COG6: variants seen among roughly 807,000 people sequenced by gnomAD.
The protein encoded by COG6 is conserved oligomeric Golgi complex subunit 6.
COG6 carries 74 observed loss-of-function variants against 88.8 expected under a neutral mutation model. The observed-to-expected ratio is 0.83, with a 90% CI of 0.69 to 1.01. The LOEUF is 1.01. Among genes scored for constraint, COG6 ranks in the 50% least tolerant of loss-of-function variants. The pLI is 0.00. For missense variants in COG6, 800 were observed against 797.9 expected (o/e 1.00, Z -0.03); for synonymous variants, 286 against 278.7 (o/e 1.03, Z -0.26).
At chr13:39,778,559 C>T (rs545044568) in intron 18 of COG6, among the ~76,000 whole-genome samples, 24 of 151,986 alleles carry the variant, frequency 1.6e-4, no homozygotes, top group Admixed American at 7.2e-4. Flanking sequence ...TTCAGACCCC[C>T]CTGGATTGGT....
chr13:39,728,645 T>C (rs1178593209), intron 18 of COG6, among the ~76,000 whole-genome samples: 1 of 152,020 alleles, frequency 6.6e-6, no homozygotes, highest in Non-Finnish European at 1.5e-5. Context: ...GAAACTGTTA[T>C]GCTGTGACTC....
At chr13:39,658,681 C>G (rs945931478) in intron 1 of COG6, among the ~76,000 whole-genome samples, 2 of 152,178 alleles carry the variant, frequency 1.3e-5, no homozygotes, top group Non-Finnish European at 2.9e-5. Context: ...CCTTCTACCA[C>G]TTTAGGGTCT....
intron 18 of COG6, among the ~76,000 whole-genome samples, chr13:39,783,094 A>G (rs1451361263): frequency 6.6e-6 from 1 of 152,170 alleles, no homozygotes; most frequent in Non-Finnish European, 1.5e-5. Context: ...TCTTTTTTAC[A>G]ATTACTTCAT....
chr13:39,721,592 T>C (rs907145653), intron 15 of COG6, among the ~76,000 whole-genome samples: 2 of 152,204 alleles, frequency 1.3e-5, no homozygotes, highest in African/African-American at 2.4e-5. Context: ...GTCAGAGTGC[T>C]GTCAGCCAAG....
At chr13:39,761,314 G>C (rs1388086712) in intron 18 of COG6, among the ~76,000 whole-genome samples, 1 of 151,848 alleles carries the variant, frequency 6.6e-6, no homozygotes, top group Non-Finnish European at 1.5e-5. Flanking sequence ...GCTGTATATA[G>C]AAATGGAATT....
intron 7 of COG6, among the ~76,000 whole-genome samples, chr13:39,680,386 A>G (rs1366519591): frequency 6.6e-6 from 1 of 152,216 alleles, no homozygotes; most frequent in Non-Finnish European, 1.5e-5. Context: ...TTTAAAGCAG[A>G]TTAGGTATCT....
intron 12 of COG6, among the ~76,000 whole-genome samples, chr13:39,694,991 C>CA (rs1877194644): frequency 4.7e-5 from 6 of 128,158 alleles, no homozygotes; most frequent in African/African-American, 1.5e-4. Context: ...ACACACACAC[C>CA]CCTTATATAG....
intron 13 of COG6, among the ~76,000 whole-genome samples, chr13:39,706,753 G>A (rs7988187): frequency 1.7e-4 from 25 of 151,498 alleles, no homozygotes; most frequent in Admixed American, 1.5e-3. Context: ...GTGTGATCTC[G>A]GCTCACTGCA....
rs755427886 is a variant in COG6 at position 39,752,239 on chromosome 13, A to C, written c.*1146A>C. The C allele has an allele frequency of 9.7e-6, 10 of 1,031,298 alleles. 1 individual carries two copies. In the South Asian group the frequency reaches 1.7e-4, roughly 17 times the overall value. 63.9% of individuals were successfully genotyped at this position (1,031,298 alleles called of 1,614,324 possible). ...TTGAAGCACAAGGAAAAAAATAACT[A>C]GTTTGAAATATTTTGAAAAGTAATA... On this transcript the variant is annotated 3_prime_UTR_variant, in exon 19 of 19. Transcript: ENST00000455146.
Position 39,687,613 on chromosome 13 carries a change from A to G in COG6, c.899A>G (p.His300Arg), listed in dbSNP as rs1876733494. ...GGTACACCTAGACCAATTGAAATGCATTCTCATGACCCTTTGAGGTATAGT... is the reference window on the plus strand; with the variant it reads ...GGTACACCTAGACCAATTGAAATGCGTTCTCATGACCCTTTGAGGTATAGT... Reference protein sequence around the residue: ...PGGTPRPIEMHSHDPLRYVGD... With the variant: ...PGGTPRPIEMRSHDPLRYVGD... Residue 300 changes from histidine to arginine, a missense_variant, in exon 9 of 19, where the codon CAT (histidine) becomes CGT (arginine). His to Arg is a conservative substitution (Grantham distance 29, BLOSUM62 0). Coordinates refer to ENST00000455146, the MANE Select transcript of COG6 (RefSeq NM_020751.3). The G allele has an allele frequency of 1.2e-5, 19 of 1,613,978 alleles. No individual in the cohort carries two copies. Among genetic ancestry groups the G allele is most frequent in the Non-Finnish European group, 1.6e-5 (19 of 1,180,014 alleles).
rs1230969591 is a variant in COG6 at position 39,724,452 on chromosome 13, T to C, written c.1693-56T>C. 4.5e-6 allele frequency: 6 copies of C among 1,330,976 alleles called. No individual in the cohort carries two copies. The African/African-American group carries it at 7.4e-5, about 17-fold the overall frequency. 82.4% of individuals were successfully genotyped at this position (1,330,976 alleles called of 1,614,324 possible). On this transcript the variant is annotated intron_variant, in intron 16 of 18. Coordinates refer to ENST00000455146, the MANE Select transcript of COG6 (RefSeq NM_020751.3). ...ACTATATTCAGTAAGTGAAATGAAA[T>C]GTATATCTCCTTTTTTACATCTTGG...
intron 7 of COG6, among the ~76,000 whole-genome samples, chr13:39,680,463 T>C (rs1876244195): frequency 6.6e-6 from 1 of 152,226 alleles, no homozygotes; most frequent in Admixed American, 6.5e-5. Context: ...TGTAACAAAT[T>C]ATTACAAACT....
At chr13:39,724,600 A>G (rs201837092) in intron 17 of COG6, 39 bp downstream of exon 17, 2 of 1,422,766 alleles carry the variant, frequency 1.4e-6, no homozygotes, top group Admixed American at 3.4e-5. Context: ...AGATTTCCTT[A>G]TGGATCGATA....
At chr13:39,790,780 T>G (rs1266824748) in exon 19 of COG6, 2 of 152,094 alleles carry the variant, frequency 1.3e-5, no homozygotes, top group Admixed American at 1.3e-4. Flanking sequence ...AAGTATAATT[T>G]TAACGTTTTT....
chr13:39,788,337 G>A lies in COG6; in HGVS notation c.1829G>A (p.Arg610His), dbSNP rs767429298. The stretch of plus-strand genomic sequence containing the variant: ...TGATTGTTGGCATTTGCTCACAGGC[G>A]TCCACCCAACGGCCCATGATCATCT... Residue 610 changes from arginine (R) to histidine (H), a missense_variant and splice_region_variant, in exon 19 of 19, where the codon CGT becomes CAT. Arg to His is a conservative substitution (Grantham distance 29). Transcript: ENST00000416691. 4.3e-5 allele frequency: 67 copies of A among 1,551,652 alleles called. 1 individual carries two copies. The highest frequency in any genetic ancestry group is 1.7e-4 in the Middle Eastern group (1 of 6,010).
chr13:39,719,932 G>A, intron 15 of COG6, 105 bp downstream of exon 15: 1 of 808,356 alleles, frequency 1.2e-6, no homozygotes, highest in Non-Finnish European at 2.1e-6. Flanking sequence ...AATTCCTATA[G>A]ATCCCTTGAT....
chr13:39,673,075 A>T (rs1593414380), intron 4 of COG6, among the ~76,000 whole-genome samples: 1 of 151,668 alleles, frequency 6.6e-6, no homozygotes, highest in South Asian at 2.1e-4. Context: ...TTTTTAATTT[A>T]GGTTATTTGT....
At chr13:39,684,912 T>C (rs1404985631) in intron 8 of COG6, among the ~76,000 whole-genome samples, 2 of 152,204 alleles carry the variant, frequency 1.3e-5, no homozygotes, top group African/African-American at 4.8e-5. Context: ...TTATTGACTT[T>C]TAATAATAAA....
chr13:39,743,658 G>T (rs776903433), intron 18 of COG6, among the ~76,000 whole-genome samples: 2 of 152,122 alleles, frequency 1.3e-5, no homozygotes, highest in Non-Finnish European at 2.9e-5. Context: ...GGATTCACAG[G>T]TGAATTCTAC....
Sources: allele counts gnomAD v4.1 joint callset (sites outside exome capture counted in the v4.1 genomes callset), GRCh38; gene constraint gnomAD v4.1.1; transcripts MANE v1.5; gene names NCBI Gene and HGNC (gene_info 2026-07-23, HGNC 2026-07-21).